ATAD2B: variants seen among roughly 807,000 people sequenced by gnomAD.
ATAD2B encodes the protein ATPase family AAA domain containing 2B.
ATAD2B carries 40 observed loss-of-function variants against 167.6 expected under a neutral mutation model. That is an observed-to-expected ratio of 0.24 (90% CI 0.19 to 0.31). The LOEUF is 0.31. Ranked by LOEUF, ATAD2B falls within the 10% of genes least tolerant of loss-of-function variation. The pLI is 1.00. For synonymous variants in ATAD2B, 579 were observed against 596.5 expected, an observed-to-expected ratio of 0.97 and a Z score of 0.43; for missense variants, 1,242 against 1,757.2, an observed-to-expected ratio of 0.71 and a Z score of 5.24.
intron 2 of ATAD2B, among the ~76,000 whole-genome samples, chr2:23,891,790 G>C (rs574081762): frequency 5.5e-5 from 8 of 144,634 alleles, no homozygotes; most frequent in Admixed American, 1.4e-4. Flanking sequence ...GGCGTGAGCC[G>C]CTGCACCTAA....
chr2:23,738,970 T>C, the ATAD2B span, among the ~76,000 whole-genome samples: 1 of 152,086 alleles, frequency 6.6e-6, no homozygotes. Context: ...TACATAATGA[T>C]AAAGGGATCA....
intron 12 of ATAD2B, among the ~76,000 whole-genome samples, chr2:23,857,886 C>T (rs573598139): frequency 1.3e-4 from 19 of 151,644 alleles, no homozygotes; most frequent in South Asian, 6.3e-4. Context: ...GGACTACAGG[C>T]GCACACCACC....
chr2:23,687,224 C>T, the ATAD2B span, among the ~76,000 whole-genome samples: 2 of 149,446 alleles, frequency 1.3e-5, no homozygotes, highest in East Asian at 4.1e-4. Context: ...TGTAGACCTC[C>T]GTGGGGATCA....
At chr2:23,694,464 C>T in the ATAD2B span, among the ~76,000 whole-genome samples, 2 of 152,208 alleles carry the variant, frequency 1.3e-5, no homozygotes, top group Non-Finnish European at 1.5e-5. Flanking sequence ...ACCCTCCAGC[C>T]TGAGCGGTCT....
At chr2:23,897,109 G>A (rs541139554) in intron 1 of ATAD2B, among the ~76,000 whole-genome samples, 4 of 152,298 alleles carry the variant, frequency 2.6e-5, no homozygotes, top group Non-Finnish European at 4.4e-5. Context: ...GTGACAGAGC[G>A]AGACTCCGTC....
the ATAD2B span, among the ~76,000 whole-genome samples, chr2:23,718,808 C>T: frequency 2.0e-5 from 3 of 152,268 alleles, no homozygotes; most frequent in African/African-American, 7.2e-5. Context: ...TTCCAGAGGC[C>T]GCGTGTACTT....
rs187247498 is a variant in ATAD2B, at chr2:23,838,951, T to C, written c.1569-4873A>G. On this transcript the variant is annotated intron_variant, in intron 13 of 27. Coordinates refer to ENST00000238789, the MANE Select transcript of ATAD2B (RefSeq NM_017552.4). The stretch of plus-strand genomic sequence containing the variant: ...AAAATATTTCTTTCCATTTATTTAA[T>C]CTTTAATGTTTGCCAGTCAAGTTTT... 7.2e-4 allele frequency among the ~76,000 whole-genome samples: 109 copies of C among 152,318 alleles called. 1 individual carries two copies. Among genetic ancestry groups the C allele is most frequent in the Admixed American group, 7.1e-3 (109 of 15,300 alleles).
At chr2:23,791,054 C>A (rs1297486807) in intron 19 of ATAD2B, among the ~76,000 whole-genome samples, 2 of 152,232 alleles carry the variant, frequency 1.3e-5, no homozygotes, top group African/African-American at 4.8e-5. Flanking sequence ...TATCATACAA[C>A]TGACAGTCTT....
chr2:23,862,637 T>C (rs919658042), intron 12 of ATAD2B, among the ~76,000 whole-genome samples: 2 of 152,202 alleles, frequency 1.3e-5, no homozygotes, highest in Non-Finnish European at 2.9e-5. Flanking sequence ...AAATAAATAG[T>C]AGACATAGTC....
chr2:23,760,145 A>G (rs916712677), intron 24 of ATAD2B, among the ~76,000 whole-genome samples: 1 of 152,236 alleles, frequency 6.6e-6, no homozygotes. Context: ...CCTGGCTAAT[A>G]CGGTAAGAGA....
At chr2:23,924,917 T>C (rs1704492236) in intron 1 of ATAD2B, among the ~76,000 whole-genome samples, 2 of 152,150 alleles carry the variant, frequency 1.3e-5, no homozygotes, top group African/African-American at 4.8e-5. Context: ...ATGATATCCA[T>C]GAATTCAAAA....
intron 17 of ATAD2B, among the ~76,000 whole-genome samples, chr2:23,814,534 AAT>A (rs1686129588): frequency 1.3e-5 from 2 of 152,176 alleles, no homozygotes; most frequent in Admixed American, 6.5e-5. Flanking sequence ...ACAAGAGATG[AAT>A]TCCAAGACTG....
chr2:23,867,888 C>T lies in ATAD2B; in HGVS notation c.1135G>A (p.Val379Met). ...DLASGILRERVKVGASLADVD... is the reference protein window; with the variant it reads ...DLASGILRERMKVGASLADVD... ...TCAGCCAAGCTTGCACCCACTTTCA[C>T]TCGTTCTCGGAGAATACCGCTAGCT... Residue 379 changes from valine (V) to methionine (M), a missense_variant, in exon 10 of 28, where the codon GTG (valine) becomes ATG (methionine). By Grantham distance (21) the Val-to-Met change is conservative. Transcript: ENST00000238789. 1 of 1,613,888 alleles carries T rather than the reference C, an allele frequency of 6.2e-7. No homozygotes were observed. Among genetic ancestry groups the T allele is most frequent in the Non-Finnish European group, 8.5e-7 (1 of 1,179,856 alleles).
intron 1 of ATAD2B, among the ~76,000 whole-genome samples, chr2:23,902,072 C>G (rs773828373): frequency 5.9e-5 from 9 of 152,118 alleles, no homozygotes; most frequent in Non-Finnish European, 8.8e-5. Flanking sequence ...TCAAAAATCA[C>G]CTGCATTACT....
chr2:23,739,682 G>A, the ATAD2B span, among the ~76,000 whole-genome samples: 8 of 152,062 alleles, frequency 5.3e-5, no homozygotes, highest in Non-Finnish European at 1.0e-4. Context: ...CTAGCAGAAG[G>A]CAAGAAATAA....
chr2:23,844,229 T>C (rs1691380382), intron 13 of ATAD2B, among the ~76,000 whole-genome samples: 1 of 152,176 alleles, frequency 6.6e-6, no homozygotes, highest in East Asian at 1.9e-4. Flanking sequence ...CATGAGCCAC[T>C]GCGCCCAGCC....
intron 8 of ATAD2B, chr2:23,872,376 C>A: frequency 1.5e-6 from 1 of 664,634 alleles, no homozygotes; most frequent in Non-Finnish European, 2.8e-6. Context: ...GAATACTAGT[C>A]GGCAGGTTCA....
At chr2:23,839,835 C>T (rs1276234873) in intron 13 of ATAD2B, among the ~76,000 whole-genome samples, 4 of 152,050 alleles carry the variant, frequency 2.6e-5, no homozygotes, top group African/African-American at 7.2e-5. Flanking sequence ...TTAACATATC[C>T]ATTATGTTCT....
intron 13 of ATAD2B, among the ~76,000 whole-genome samples, chr2:23,836,990 C>CA (rs1690089710): frequency 6.6e-6 from 1 of 152,158 alleles, no homozygotes; most frequent in Non-Finnish European, 1.5e-5. Context: ...AGGTGGGTCT[C>CA]ACCACGGACC....
Sources: allele counts gnomAD v4.1 joint callset (sites outside exome capture counted in the v4.1 genomes callset), GRCh38; gene constraint gnomAD v4.1.1; transcripts MANE v1.5; gene names NCBI Gene and HGNC (gene_info 2026-07-23, HGNC 2026-07-21).